DRC8: variants seen among roughly 807,000 people sequenced by gnomAD.
DRC8 encodes the protein dynein regulatory complex subunit 8.
chr1:244,970,244 C>A, the DRC8 span: 1 of 700,422 alleles, frequency 1.4e-6, no homozygotes, highest in Non-Finnish European at 2.5e-6. Context: ...GAAACGGGGA[C>A]AGGGCGCGCG....
At chr1:245,054,941 G>A in the DRC8 span, among the ~76,000 whole-genome samples, 2 of 152,198 alleles carry the variant, frequency 1.3e-5, no homozygotes, top group African/African-American at 4.8e-5. Context: ...GCATCAGCTT[G>A]TGGGTGACAG....
At chr1:245,070,194 C>A in the DRC8 span, among the ~76,000 whole-genome samples, 3 of 152,176 alleles carry the variant, frequency 2.0e-5, no homozygotes, top group African/African-American at 7.2e-5. Context: ...TACAGAGGGA[C>A]ACCTATACTA....
chr1:245,091,724 A>C, the DRC8 span: 1 of 152,240 alleles, frequency 6.6e-6, no homozygotes, highest in Non-Finnish European at 1.5e-5. Context: ...AAAGCACAAC[A>C]TAGACTCCCC....
chr1:245,090,216 A>G, the DRC8 span, among the ~76,000 whole-genome samples: 1 of 152,098 alleles, frequency 6.6e-6, no homozygotes, highest in South Asian at 2.1e-4. Flanking sequence ...AGGTAGGAGG[A>G]GTGGGTAACA....
At chr1:244,970,344 G>A in the DRC8 span, 9 of 1,511,542 alleles carry the variant, frequency 6.0e-6, no homozygotes, top group Non-Finnish European at 7.0e-6. Context: ...GCTCGCCGCG[G>A]GGCGCTGAGC....
chr1:245,081,526 T>G, the DRC8 span, among the ~76,000 whole-genome samples: 2 of 152,128 alleles, frequency 1.3e-5, no homozygotes, highest in African/African-American at 4.8e-5. Flanking sequence ...TGGAGTACAG[T>G]GGTGCGATCT....
At chr1:244,976,150 T>G in the DRC8 span, among the ~76,000 whole-genome samples, 1 of 152,046 alleles carries the variant, frequency 6.6e-6, no homozygotes, top group East Asian at 1.9e-4. Flanking sequence ...TTGCCTGTTA[T>G]CCCAGCTACT....
chr1:245,014,634 A>T, the DRC8 span, among the ~76,000 whole-genome samples: 1 of 150,600 alleles, frequency 6.6e-6, no homozygotes, highest in Non-Finnish European at 1.5e-5. Flanking sequence ...GTAAGTACTA[A>T]CAGGTGGGAT....
At chr1:245,006,169 T>C in the DRC8 span, among the ~76,000 whole-genome samples, 2 of 152,196 alleles carry the variant, frequency 1.3e-5, no homozygotes, top group Non-Finnish European at 2.9e-5. Flanking sequence ...ACGGTCAAAT[T>C]ACTAAATTTG....
At chr1:245,065,018 G>C in the DRC8 span, among the ~76,000 whole-genome samples, 1 of 149,624 alleles carries the variant, frequency 6.7e-6, no homozygotes, top group Non-Finnish European at 1.5e-5. Context: ...CTGTTTTTTG[G>C]AACTCCTATT....
chr1:245,096,835 G>A, the DRC8 span, among the ~76,000 whole-genome samples: 2 of 152,272 alleles, frequency 1.3e-5, no homozygotes, highest in African/African-American at 4.8e-5. Flanking sequence ...TTCCAGCTGT[G>A]TCAGGTATAG....
the DRC8 span, chr1:245,087,721 A>G: frequency 1.0e-6 from 1 of 997,170 alleles, no homozygotes; most frequent in African/African-American, 1.7e-5. Context: ...AAGAGGGGGC[A>G]GAACGAACCA....
At chr1:244,972,655 TA>T in the DRC8 span, among the ~76,000 whole-genome samples, 1 of 152,102 alleles carries the variant, frequency 6.6e-6, no homozygotes, top group East Asian at 1.9e-4. Context: ...CCGTCTCTAC[TA>T]AAAATACAAA....
chr1:245,082,173 A>T, the DRC8 span: 2 of 1,604,138 alleles, frequency 1.2e-6, no homozygotes, highest in South Asian at 2.2e-5. Flanking sequence ...GTAAGTAAGT[A>T]AATGCAATTG....
At chr1:245,062,867 C>T in the DRC8 span, among the ~76,000 whole-genome samples, 1 of 152,204 alleles carries the variant, frequency 6.6e-6, no homozygotes, top group Non-Finnish European at 1.5e-5. Flanking sequence ...TTATATGAGG[C>T]CTCTTAACTT....
the DRC8 span, among the ~76,000 whole-genome samples, chr1:244,992,912 G>T: frequency 6.6e-6 from 1 of 152,198 alleles, no homozygotes; most frequent in Admixed American, 6.6e-5. Flanking sequence ...TTGTGCCTAA[G>T]GGTCTCTCAT....
At chr1:245,119,897 C>T in the DRC8 span, among the ~76,000 whole-genome samples, 1 of 150,002 alleles carries the variant, frequency 6.7e-6, no homozygotes, top group Non-Finnish European at 1.5e-5. Context: ...CATGCAACTG[C>T]ACTCCAGCCT....
chr1:245,120,151 C>G, the DRC8 span, among the ~76,000 whole-genome samples: 1 of 152,096 alleles, frequency 6.6e-6, no homozygotes, highest in African/African-American at 2.4e-5. Context: ...TATGAAGGCT[C>G]ATAGAGTAAA....
the DRC8 span, among the ~76,000 whole-genome samples, chr1:245,085,156 A>G: frequency 1.3e-5 from 2 of 152,376 alleles, no homozygotes; most frequent in Admixed American, 6.5e-5. Flanking sequence ...GGATATTACA[A>G]TCTTATTTGG....
Sources: allele counts gnomAD v4.1 joint callset (sites outside exome capture counted in the v4.1 genomes callset), GRCh38; gene constraint gnomAD v4.1.1; transcripts MANE v1.5; gene names NCBI Gene and HGNC (gene_info 2026-07-23, HGNC 2026-07-21).